Variants in EFCC1 observed in about 807,000 individuals in gnomAD.
EFCC1 encodes the protein EF-hand and coiled-coil domain containing 1.
A neutral mutation model predicts 52.1 loss-of-function variants in EFCC1; 50 were observed. The observed-to-expected ratio is 0.96, with a 90% confidence interval of 0.76 to 1.21. The LOEUF is 1.21. Among genes scored for constraint, EFCC1 ranks in the 50% most tolerant of loss-of-function variants. The pLI is 0.00. For synonymous variants in EFCC1, 399 were observed against 396.5 expected (o/e 1.01, Z -0.08); for missense variants, 837 against 867.3 (o/e 0.97, Z 0.44).
In EFCC1 at chr3:129,014,259, G is replaced by A. The variant is rs1281001031; in HGVS notation, c.980+10182G>A. ...CGCTGTTGACCACCAGTAACTAAGC[G>A]GGTGGACGAGGGGAGGGTCAGGGAG... On this transcript the variant is annotated intron_variant, in intron 2 of 7. Transcript: ENST00000683648. The surrounding 1 kb of genome is among the most constrained non-coding windows in gnomAD (Gnocchi z 4.3). Among the ~76,000 whole-genome samples the A allele has an allele frequency of 6.6e-6, 1 of 152,224 alleles. No homozygotes were observed. Among genetic ancestry groups the A allele is most frequent in the African/African-American group, 2.4e-5 (1 of 41,464 alleles).
At chr3:129,011,212 T>C (rs1945311680) in intron 2 of EFCC1, among the ~76,000 whole-genome samples, 1 of 152,176 alleles carries the variant, frequency 6.6e-6, no homozygotes, top group African/African-American at 2.4e-5. Context: ...TTCAACTTGC[T>C]GTTGTGTTGA....
intron 1 of EFCC1, chr3:129,003,179 A>G: frequency 1.0e-6 from 1 of 972,934 alleles, no homozygotes; most frequent in Non-Finnish European, 1.2e-6. Flanking sequence ...GTCAGTGTGC[A>G]TGGAAGCCAG....
At chr3:129,028,153 A>T (rs1411842199) in intron 2 of EFCC1, among the ~76,000 whole-genome samples, 1 of 149,318 alleles carries the variant, frequency 6.7e-6, no homozygotes, top group African/African-American at 2.5e-5. Context: ...GGTGCGATCT[A>T]GGTTACGGCA....
At chr3:129,026,639 A>G (rs1175356699) in intron 2 of EFCC1, among the ~76,000 whole-genome samples, 3 of 152,118 alleles carry the variant, frequency 2.0e-5, no homozygotes, top group Non-Finnish European at 4.4e-5. Context: ...GGGGCCATAT[A>G]ACCAGGTACC....
chr3:129,005,906 AG>A (rs1945053969), intron 2 of EFCC1, among the ~76,000 whole-genome samples: 1 of 152,284 alleles, frequency 6.6e-6, no homozygotes, highest in East Asian at 1.9e-4. Context: ...TTTATCCAAG[AG>A]GAGAAATAAA....
At chr3:129,038,933 G>C in intron 7 of EFCC1, 33 bp downstream of exon 7, 1 of 1,595,056 alleles carries the variant, frequency 6.3e-7, no homozygotes, top group East Asian at 2.2e-5. Flanking sequence ...CAGAGCCCAC[G>C]CAGTGGCTGG....
intron 2 of EFCC1, among the ~76,000 whole-genome samples, chr3:129,017,525 C>T (rs1268710148): frequency 4.6e-5 from 7 of 152,330 alleles, no homozygotes; most frequent in Non-Finnish European, 2.9e-5. Context: ...TGGCAGAATC[C>T]AGCTCCTTTT....
At position 129,002,373 on chromosome 3, in the gene EFCC1, G is replaced by T. The variant is rs996448434; in HGVS notation, c.696+49G>T. 8 of 1,487,352 alleles carry T rather than the reference G, an allele frequency of 5.4e-6. No individual in the cohort carries two copies. In the African/African-American group the frequency reaches 1.2e-4, roughly 22 times the overall value. 92.1% of individuals were successfully genotyped at this position (1,487,352 alleles called of 1,614,324 possible). On this transcript the variant is annotated intron_variant, in intron 1 of 7. Transcript: ENST00000683648. ...GGTGGTAACGCCCGGGAGAGGGCTC[G>T]AACTAAAAGCTGGCTGGCTGCGGAG... is the stretch of plus-strand genomic sequence containing the variant.
rs1207156383 is a variant in EFCC1 at position 129,003,858 on chromosome 3, T to A, written c.761T>A (p.Val254Glu). ...GGGCACGGCGGGCCGGAGGCTGCGG[T>A]GCGGGAGCTGCGTCAGGCGCAGGGC... ...EMGHGGPEAA[V>E]RELRQAQGAL... Residue 254 changes from valine (V) to glutamate (E), a missense_variant, in exon 2 of 8, where the codon GTG (valine) becomes GAG (glutamate). Physicochemically the swap from Val to Glu is moderately radical, Grantham distance 121. Transcript: ENST00000683648. The A allele has an allele frequency of 6.9e-7, 1 of 1,442,348 alleles. No individual in the cohort carries two copies. Among genetic ancestry groups the A allele is most frequent in the East Asian group, 3.1e-5 (1 of 32,626 alleles). 89.3% of individuals were successfully genotyped at this position (1,442,348 alleles called of 1,614,324 possible).
chr3:129,024,237 A>C (rs1325177576), intron 2 of EFCC1, among the ~76,000 whole-genome samples: 1 of 152,092 alleles, frequency 6.6e-6, no homozygotes, highest in Non-Finnish European at 1.5e-5. Context: ...TTTATAAAGA[A>C]AAGAAATTTG....
chr3:129,020,454 TAGTG>T (rs1184907451), intron 2 of EFCC1, among the ~76,000 whole-genome samples: 1 of 151,998 alleles, frequency 6.6e-6, no homozygotes, highest in East Asian at 1.9e-4. Context: ...CTGGGCAACA[TAGTG>T]AGACTCCATC....
intron 2 of EFCC1, among the ~76,000 whole-genome samples, chr3:129,017,364 G>A (rs1002105084): frequency 6.6e-6 from 1 of 152,238 alleles, no homozygotes; most frequent in African/African-American, 2.4e-5. Flanking sequence ...CACTCTTAGT[G>A]ACTTGAAACA....
Position 129,032,982 on chromosome 3 carries a change from A to G in EFCC1, c.1286+16A>G. 6.6e-7 allele frequency: 1 copy of G among 1,515,036 alleles called. No homozygotes were observed. Among genetic ancestry groups the G allele is most frequent in the Non-Finnish European group, 8.9e-7 (1 of 1,126,616 alleles). 93.8% of individuals were successfully genotyped at this position (1,515,036 alleles called of 1,614,324 possible). On this transcript the variant is annotated intron_variant, in intron 4 of 7. Transcript: ENST00000683648. ...GCAGAGGCAGGTGTGTGGCCCGTCC[A>G]GCGTCAGCCACTGTGGGCCGCAGGC... is the stretch of plus-strand genomic sequence containing the variant.
chr3:129,030,089 A>AGTCCCAGCTAATT (rs1401752070), intron 2 of EFCC1, among the ~76,000 whole-genome samples: 2 of 151,932 alleles, frequency 1.3e-5, no homozygotes, highest in Non-Finnish European at 2.9e-5. Context: ...GTGGGGCTGA[A>AGTCCCAGCTAATT]GTGGGAGGAT....
At chr3:129,031,089 C>T (rs777981778) in intron 3 of EFCC1, among the ~76,000 whole-genome samples, 5 of 152,230 alleles carry the variant, frequency 3.3e-5, no homozygotes, top group Middle Eastern at 3.4e-3. Context: ...GGTCAGGATA[C>T]ACTGAGATGT....
intron 4 of EFCC1, 83 bp downstream of exon 4, chr3:129,033,049 G>A (rs1461515371): frequency 7.0e-6 from 10 of 1,426,292 alleles, no homozygotes; most frequent in South Asian, 1.5e-5. Flanking sequence ...TGGGAGGCTG[G>A]TTAGCCTGGC....
chr3:129,012,547 A>G (rs902728280), intron 2 of EFCC1, among the ~76,000 whole-genome samples: 5 of 152,184 alleles, frequency 3.3e-5, no homozygotes, highest in Non-Finnish European at 7.4e-5. Flanking sequence ...GCACCTGTAG[A>G]TAAAGTCCTA....
At chr3:129,003,105 T>C (rs1944877633) in intron 1 of EFCC1, among the ~76,000 whole-genome samples, 1 of 152,126 alleles carries the variant, frequency 6.6e-6, no homozygotes, top group South Asian at 2.1e-4. Flanking sequence ...ACTGACATTA[T>C]ATGACCCCGC....
In EFCC1 at chr3:129,030,804, C is replaced by T. The variant is rs1377014194; in HGVS notation, c.1082C>T (p.Thr361Ile). 2 of 1,551,682 alleles carry T rather than the reference C, an allele frequency of 1.3e-6. No homozygotes were observed. Among genetic ancestry groups the T allele is most frequent in the South Asian group, 2.4e-5 (2 of 84,058 alleles). Residue 361 changes from threonine (T) to isoleucine (I), a missense_variant, in exon 3 of 8, where the codon ACT becomes ATT. Thr to Ile is a moderately conservative substitution (Grantham distance 89, BLOSUM62 -1). Transcript: ENST00000683648. ...GCTGGGACCAGAGACCCAGACCCCA[C>T]TCCAGAGGGAGCCTGGCAGTCAGAC... ...EDAGTRDPDP[T>I]PEGAWQSDSS...
Sources: gnomAD v4.1 joint callset for allele counts (sites outside exome capture counted in the v4.1 genomes callset) on GRCh38, gnomAD v4.1.1 for gene constraint, Gnocchi (gnomAD v3.1) non-coding constraint, MANE v1.5 for transcripts, NCBI Gene and HGNC (gene_info 2026-07-23, HGNC 2026-07-21) for gene names.